The following SEL1L3 variants were observed in gnomAD, a reference collection of about 807,000 sequenced individuals.
SEL1L3 encodes protein sel-1 homolog 3.
A neutral mutation model predicts 142.8 loss-of-function variants in SEL1L3; 76 were observed. The ratio of observed to expected loss-of-function variants is 0.53; its 90% CI spans 0.44 to 0.64. The LOEUF is 0.64. Among genes scored for constraint, SEL1L3 ranks in the 30% least tolerant of loss-of-function variants. SEL1L3 has a pLI of 0.00. For synonymous variants in SEL1L3, 504 were observed against 519.6 expected, an observed-to-expected ratio of 0.97 and a Z score of 0.41; for missense variants, 1,262 against 1,381.7, an observed-to-expected ratio of 0.91 and a Z score of 1.37.
rs572327706 is a variant in SEL1L3 at position 25,767,863 on chromosome 4, T to G, written c.2670-33A>C. On this transcript the variant is annotated intron_variant, in intron 17 of 23. Transcript: ENST00000399878. ...TAGATGATTAATAATAAATTTCATA[T>G]AGTGGCTCTTACTAATATTCACAGA... The G allele has an allele frequency of 1.4e-5, 18 of 1,269,532 alleles. No individual in the cohort carries two copies. The African/African-American group carries it at 1.5e-4, about 10-fold the overall frequency. 78.6% of individuals were successfully genotyped at this position (1,269,532 alleles called of 1,614,324 possible).
the SEL1L3 span, chr4:25,720,695 T>C: frequency 6.6e-6 from 1 of 152,180 alleles, no homozygotes; most frequent in Non-Finnish European, 1.5e-5. Context: ...AGCCTGTGTC[T>C]GTAAAGAATG....
chr4:25,790,346 T>G, intron 12 of SEL1L3, 109 bp downstream of exon 12: 4 of 1,069,840 alleles, frequency 3.7e-6, no homozygotes, highest in Non-Finnish European at 5.7e-6. Context: ...GAGTGAGAAA[T>G]AAACTGGCAT....
chr4:25,835,140 G>C, intron 3 of SEL1L3, 57 bp downstream of exon 3: 3 of 1,601,400 alleles, frequency 1.9e-6, no homozygotes, highest in Middle Eastern at 1.8e-4. Context: ...AGCCTGCTCT[G>C]GTCCTCAAAT....
chr4:25,855,756 G>A (rs1717216797), intron 1 of SEL1L3, among the ~76,000 whole-genome samples: 1 of 151,504 alleles, frequency 6.6e-6, no homozygotes, highest in African/African-American at 2.4e-5. Flanking sequence ...GCGAGATTCC[G>A]TCTCAGGAAA....
At chr4:25,831,427 C>G (rs1349728280) in intron 5 of SEL1L3, among the ~76,000 whole-genome samples, 1 of 151,082 alleles carries the variant, frequency 6.6e-6, no homozygotes, top group Non-Finnish European at 1.5e-5. Flanking sequence ...CCTAAGCATT[C>G]CAGCATAAAA....
At chr4:25,714,550 T>C in the SEL1L3 span, among the ~76,000 whole-genome samples, 1 of 143,072 alleles carries the variant, frequency 7.0e-6, no homozygotes, top group East Asian at 2.0e-4. Flanking sequence ...CTTTCTTTCT[T>C]TCTTCTTTCT....
At position 25,854,439 on chromosome 4, in the gene SEL1L3, G is replaced by A. The variant is rs142530763; in HGVS notation, c.163-6575C>T. ...ACTACAGGCACGTGCCACCACACCC[G>A]GGTAATTTTTATATTTTTAGTAGAG... On this transcript the variant is annotated intron_variant, in intron 1 of 23. Transcript: ENST00000399878. Among the ~76,000 whole-genome samples the A allele has an allele frequency of 2.4e-4, 37 of 152,106 alleles. No individual in the cohort carries two copies. The East Asian group carries it at 6.2e-3, about 25-fold the overall frequency.
intron 12 of SEL1L3, among the ~76,000 whole-genome samples, chr4:25,790,056 G>C (rs1277915077): frequency 6.6e-6 from 1 of 152,112 alleles, no homozygotes; most frequent in Non-Finnish European, 1.5e-5. Context: ...CTATCTGATG[G>C]ATGCATCAGT....
rs1712209362 is a variant in SEL1L3 at position 25,790,399 on chromosome 4, A to G, written c.2076+56T>C. On this transcript the variant is annotated intron_variant, in intron 12 of 23. Coordinates refer to ENST00000399878, the MANE Select transcript of SEL1L3 (RefSeq NM_015187.5). The stretch of plus-strand genomic sequence containing the variant: ...GTTTGAGATGTTTCATTACCACGGT[A>G]TAACCCAGTCTATCATGGCTGACAG... 4 of 1,568,204 alleles carry G rather than the reference A, an allele frequency of 2.6e-6. No homozygotes were observed. In the South Asian group the frequency reaches 4.4e-5, roughly 17 times the overall value.
chr4:25,739,035 C>G, the SEL1L3 span, among the ~76,000 whole-genome samples: 9 of 151,746 alleles, frequency 5.9e-5, no homozygotes, highest in African/African-American at 2.2e-4. Context: ...GAAACCCTGT[C>G]TCTACTAAAA....
chr4:25,733,767 G>A, the SEL1L3 span, among the ~76,000 whole-genome samples: 9 of 152,010 alleles, frequency 5.9e-5, no homozygotes, highest in Admixed American at 3.3e-4. Context: ...TCCCACCTCC[G>A]GCCTCCCAAA....
intron 9 of SEL1L3, among the ~76,000 whole-genome samples, chr4:25,817,145 T>A (rs1714438663): frequency 6.6e-6 from 1 of 152,202 alleles, no homozygotes; most frequent in Non-Finnish European, 1.5e-5. Flanking sequence ...TGATAAAATA[T>A]CCTATATGAC....
At chr4:25,765,827 C>G (rs13116268) in intron 19 of SEL1L3, among the ~76,000 whole-genome samples, 1 of 151,668 alleles carries the variant, frequency 6.6e-6, no homozygotes, top group Non-Finnish European at 1.5e-5. Flanking sequence ...TTTATAGAGA[C>G]GGGGTTTCAC....
At chr4:25,715,407 T>A in the SEL1L3 span, among the ~76,000 whole-genome samples, 1 of 152,142 alleles carries the variant, frequency 6.6e-6, no homozygotes, top group East Asian at 1.9e-4. Flanking sequence ...ATCGGGTTGG[T>A]AAAAATCCAG....
intron 2 of SEL1L3, among the ~76,000 whole-genome samples, chr4:25,846,498 A>C (rs748004854): frequency 4.2e-4 from 64 of 152,300 alleles, no homozygotes; most frequent in South Asian, 8.3e-4. Context: ...AGAGATAGAA[A>C]GTGGCAGGAC....
chr4:25,863,132 T>G, upstream of SEL1L3: 1 of 104,552 alleles, frequency 9.6e-6, no homozygotes, highest in Non-Finnish European at 1.9e-5. Flanking sequence ...CTTCCACCCC[T>G]CGGAGCAGCG....
At chr4:25,724,865 G>T in the SEL1L3 span, among the ~76,000 whole-genome samples, 14 of 151,878 alleles carry the variant, frequency 9.2e-5, no homozygotes, top group Non-Finnish European at 1.5e-5. Flanking sequence ...CAGCCCTCAG[G>T]GCTGGTGGAT....
At chr4:25,759,991 T>A (rs1718267173) in intron 20 of SEL1L3, 1 of 152,208 alleles carries the variant, frequency 6.6e-6, no homozygotes, top group Admixed American at 6.5e-5. Flanking sequence ...TTGTTACGTG[T>A]TATGGGGGTT....
At chr4:25,827,785 A>G (rs911697264) in intron 6 of SEL1L3, among the ~76,000 whole-genome samples, 1 of 152,028 alleles carries the variant, frequency 6.6e-6, no homozygotes, top group Non-Finnish European at 1.5e-5. Flanking sequence ...AAAGGAGCCT[A>G]TGAAATTCAA....
Sources: allele counts gnomAD v4.1 joint callset (sites outside exome capture counted in the v4.1 genomes callset), GRCh38; gene constraint gnomAD v4.1.1; transcripts MANE v1.5; gene names NCBI Gene and HGNC (gene_info 2026-07-23, HGNC 2026-07-21).